The following GMDS variants were observed in gnomAD, a reference collection of about 807,000 sequenced individuals.
GMDS encodes GDP-mannose 4,6-dehydratase.
GMDS carries 20 observed loss-of-function variants against 49.9 expected under a neutral mutation model. The ratio of observed to expected loss-of-function variants is 0.40; its 90% CI spans 0.28 to 0.58. GMDS has a LOEUF of 0.58. GMDS is among the 20% of genes least tolerant of loss of function. The pLI is 0.42. For synonymous variants in GMDS, 177 were observed against 178.6 expected, an observed-to-expected ratio of 0.99 and a Z score of 0.07; for missense variants, 362 against 481.4, an observed-to-expected ratio of 0.75 and a Z score of 2.32.
chr6:1,943,495 T>G (rs1762914881), intron 6 of GMDS, among the ~76,000 whole-genome samples: 2 of 152,194 alleles, frequency 1.3e-5, no homozygotes, highest in Non-Finnish European at 2.9e-5. Context: ...TCAATCAACA[T>G]TTTCTGCAGG....
intron 4 of GMDS, among the ~76,000 whole-genome samples, chr6:1,965,440 A>G (rs1372214042): frequency 3.3e-5 from 5 of 152,228 alleles, no homozygotes; most frequent in South Asian, 2.1e-4. Flanking sequence ...TTGGTTACAA[A>G]GTGTTTTACA....
chr6:1,963,792 A>T (rs1312181459), intron 4 of GMDS, among the ~76,000 whole-genome samples: 2 of 152,180 alleles, frequency 1.3e-5, no homozygotes, highest in Non-Finnish European at 2.9e-5. Context: ...CAGATCACTC[A>T]ACCACTTCCC....
intron 1 of GMDS, among the ~76,000 whole-genome samples, chr6:2,164,473 C>T (rs184582613): frequency 6.6e-6 from 1 of 152,266 alleles, no homozygotes; most frequent in East Asian, 1.9e-4. Flanking sequence ...CTACAGTTTC[C>T]TTAGACAATG....
chr6:2,176,057 G>C (rs1018634182), intron 1 of GMDS: 28 of 1,399,476 alleles, frequency 2.0e-5, no homozygotes, highest in Non-Finnish European at 2.6e-5. Flanking sequence ...GAAGACAGCA[G>C]ATGTGACTAC....
intron 9 of GMDS, among the ~76,000 whole-genome samples, chr6:1,713,022 G>C (rs576026157): frequency 2.6e-4 from 40 of 152,292 alleles, no homozygotes; most frequent in Admixed American, 2.6e-3. Flanking sequence ...TCATATCTGC[G>C]TTTCTCCCAA....
chr6:1,650,028 C>T (rs1469978909), intron 9 of GMDS, among the ~76,000 whole-genome samples: 1 of 152,202 alleles, frequency 6.6e-6, no homozygotes, highest in African/African-American at 2.4e-5. Flanking sequence ...TGCCGTCTGA[C>T]CTTGGGCAAG....
intron 1 of GMDS, among the ~76,000 whole-genome samples, chr6:2,140,210 G>T (rs991677549): frequency 6.6e-6 from 1 of 152,086 alleles, no homozygotes. Flanking sequence ...GCATAATCGC[G>T]AGAGTCCTTA....
chr6:1,744,496 G>C (rs1321372804), intron 7 of GMDS, among the ~76,000 whole-genome samples: 1 of 152,078 alleles, frequency 6.6e-6, no homozygotes, highest in African/African-American at 2.4e-5. Flanking sequence ...CTTTTAAAAG[G>C]CATGAAATAC....
At chr6:2,073,082 C>T (rs1772109833) in intron 4 of GMDS, among the ~76,000 whole-genome samples, 1 of 152,232 alleles carries the variant, frequency 6.6e-6, no homozygotes, top group African/African-American at 2.4e-5. Context: ...ACAGTCAGTG[C>T]ACAGGGAAAA....
At chr6:2,133,902 G>C (rs868265941) in intron 1 of GMDS, among the ~76,000 whole-genome samples, 1 of 152,160 alleles carries the variant, frequency 6.6e-6, no homozygotes, top group Non-Finnish European at 1.5e-5. Context: ...AAAGAATGTT[G>C]ATTTCACCGG....
intron 7 of GMDS, among the ~76,000 whole-genome samples, chr6:1,761,805 A>G (rs2113552790): frequency 6.6e-6 from 1 of 152,354 alleles, no homozygotes; most frequent in South Asian, 2.1e-4. Context: ...ATGAAAAGCA[A>G]GAGTCCTTAA....
At chr6:1,746,559 T>C (rs1380056575) in intron 7 of GMDS, among the ~76,000 whole-genome samples, 1 of 152,244 alleles carries the variant, frequency 6.6e-6, no homozygotes, top group Non-Finnish European at 1.5e-5. Context: ...CTCCAGACCA[T>C]TGACTTTTGA....
chr6:2,134,488 C>T (rs957414991), intron 1 of GMDS, among the ~76,000 whole-genome samples: 2 of 152,180 alleles, frequency 1.3e-5, no homozygotes, highest in African/African-American at 4.8e-5. Flanking sequence ...ATCTTGGTCT[C>T]AATAGCACCA....
rs569294114 is a variant in GMDS at position 1,990,356 on chromosome 6, A to G, written c.346-29390T>C. On this transcript the variant is annotated intron_variant, in intron 4 of 10. Coordinates refer to ENST00000380815, the MANE Select transcript of GMDS (RefSeq NM_001500.4). ...GCCACCACCACCACCATCCCATCCT[A>G]ACAAGTCCCTGTCCCTTTGGCCTTC... is the stretch of plus-strand genomic sequence containing the variant. Among the ~76,000 whole-genome samples, 31 of 152,180 alleles carry G rather than the reference A, an allele frequency of 2.0e-4. No homozygotes were observed. The East Asian group carries it at 2.3e-3, about 11-fold the overall frequency.
rs1266373318 is a variant in GMDS at position 2,245,403 on chromosome 6, C to A, written c.20G>T (p.Arg7Leu). 15 of 1,528,558 alleles carry A rather than the reference C, an allele frequency of 9.8e-6. No homozygotes were observed. The highest frequency in any genetic ancestry group is 1.2e-5 in the Non-Finnish European group (14 of 1,142,802). 94.7% of individuals were successfully genotyped at this position (1,528,558 alleles called of 1,614,324 possible). The stretch of plus-strand genomic sequence containing the variant: ...CCCGGAGCCCCGGGCGCTGGGGCAG[C>A]GTGCCGGTGCGTGTGCCATGTCCCG... MAHAPA[R>L]CPSARGSGDG... The change falls in exon 1 of 11, where the codon CGC becomes CTC. Residue 7 changes from arginine (R) to leucine (L), a missense_variant. Coordinates refer to ENST00000380815, the MANE Select transcript of GMDS (RefSeq NM_001500.4).
chr6:1,907,321 C>T (rs1760827552), intron 7 of GMDS, among the ~76,000 whole-genome samples: 1 of 152,156 alleles, frequency 6.6e-6, no homozygotes, highest in Admixed American at 6.5e-5. Context: ...ACCCCACGGT[C>T]CCATGTACTG....
intron 7 of GMDS, among the ~76,000 whole-genome samples, chr6:1,897,270 G>A (rs1396190473): frequency 6.6e-6 from 1 of 152,168 alleles, no homozygotes; most frequent in Admixed American, 6.5e-5. Context: ...CTCTTCTCAT[G>A]AGGACACCAG....
intron 7 of GMDS, among the ~76,000 whole-genome samples, chr6:1,773,395 G>A (rs1039962923): frequency 4.6e-5 from 7 of 152,020 alleles, no homozygotes; most frequent in African/African-American, 9.7e-5. Flanking sequence ...AATGTTTAGC[G>A]CTCAGCAATG....
chr6:1,638,528 C>T (rs1029477269), intron 9 of GMDS, among the ~76,000 whole-genome samples: 3 of 147,448 alleles, frequency 2.0e-5, no homozygotes, highest in Middle Eastern at 3.4e-3. Context: ...CAACCCCCGA[C>T]ACTATGAGGC....
Sources: allele counts gnomAD v4.1 joint callset (sites outside exome capture counted in the v4.1 genomes callset), GRCh38; gene constraint gnomAD v4.1.1; transcripts MANE v1.5; gene names NCBI Gene and HGNC (gene_info 2026-07-23, HGNC 2026-07-21).